COMMD1: variants seen among roughly 807,000 people sequenced by gnomAD.
The protein encoded by COMMD1 is copper metabolism domain containing 1, also known as COMM domain-containing protein 1.
Under a neutral mutation model 17.2 loss-of-function variants are expected in COMMD1, and 10 were observed. That is an observed-to-expected ratio of 0.58 (90% CI 0.36 to 0.99). COMMD1 has a LOEUF of 0.99. Among genes scored for constraint, COMMD1 ranks in the 50% least tolerant of loss-of-function variants. COMMD1 has a pLI of 0.01. For synonymous variants in COMMD1, 97 were observed against 91.6 expected (o/e 1.06, Z -0.34); for missense variants, 270 against 231.8 (o/e 1.17, Z -1.07).
intron 2 of COMMD1, among the ~76,000 whole-genome samples, chr2:62,076,752 TAAAG>T (rs1240691975): frequency 6.6e-6 from 1 of 151,210 alleles, no homozygotes; most frequent in Non-Finnish European, 1.5e-5. Context: ...ATCTCAAAAA[TAAAG>T]AAAGAGTAGT....
chr2:62,090,594 T>C (rs1296260238), intron 2 of COMMD1: 2 of 152,240 alleles, frequency 1.3e-5, no homozygotes, highest in African/African-American at 4.8e-5. Flanking sequence ...TTGCACCATA[T>C]ACTGGTATTT....
rs142011820 is a variant in COMMD1 at position 61,983,440 on chromosome 2, T to C, written c.181-17261T>C. 8.5e-4 allele frequency among the ~76,000 whole-genome samples: 130 copies of C among 152,244 alleles called. 5 individuals carry two copies. The East Asian group carries it at 0.019, about 23-fold the overall frequency. On this transcript the variant is annotated intron_variant, in intron 1 of 2. Transcript: ENST00000311832. The stretch of plus-strand genomic sequence containing the variant: ...TCCTTGACCTCGTGATCCGACCGCC[T>C]CGGCCTCCCAAAGTGCTAGGATTAC...
chr2:61,979,281 A>G (rs1671890425), intron 1 of COMMD1, among the ~76,000 whole-genome samples: 2 of 152,272 alleles, frequency 1.3e-5, no homozygotes, highest in South Asian at 4.1e-4. Context: ...GTTCGAGATC[A>G]GCCTGTCCAA....
At chr2:61,942,542 T>G (rs1171256794) in intron 1 of COMMD1, among the ~76,000 whole-genome samples, 2 of 140,276 alleles carry the variant, frequency 1.4e-5, no homozygotes, top group Non-Finnish European at 3.1e-5. Context: ...TGCCTGGCCT[T>G]TTTTTTTTTT....
At chr2:61,888,859 T>G in intron 1 of COMMD1, 1 of 299,734 alleles carries the variant, frequency 3.3e-6, no homozygotes, top group Non-Finnish European at 6.2e-6. Context: ...ACATCCGCAT[T>G]TCCTCACTCC....
chr2:62,129,420 A>G (rs1382417497), intron 2 of COMMD1, among the ~76,000 whole-genome samples: 2 of 152,180 alleles, frequency 1.3e-5, no homozygotes, highest in Non-Finnish European at 2.9e-5. Flanking sequence ...TCAGGAAAAT[A>G]TAAAATTTTA....
intron 1 of COMMD1, among the ~76,000 whole-genome samples, chr2:61,981,333 G>A (rs1175305251): frequency 1.3e-5 from 2 of 152,170 alleles, no homozygotes; most frequent in Non-Finnish European, 2.9e-5. Context: ...TGTACATGGC[G>A]AGAGATAGGG....
At chr2:62,071,063 C>T (rs1573146345) in intron 2 of COMMD1, among the ~76,000 whole-genome samples, 1 of 152,060 alleles carries the variant, frequency 6.6e-6, no homozygotes, top group African/African-American at 2.4e-5. Context: ...TAAAAAATGG[C>T]GACTACATAG....
At chr2:62,038,160 C>T (rs183212740) in intron 2 of COMMD1, among the ~76,000 whole-genome samples, 2 of 152,056 alleles carry the variant, frequency 1.3e-5, no homozygotes. Flanking sequence ...TGGTGGCATG[C>T]ACCTGTAATC....
Position 62,120,243 on chromosome 2 carries a change from C to T in COMMD1, c.463-15588C>T, listed in dbSNP as rs114112884. 2.3e-3 allele frequency among the ~76,000 whole-genome samples: 341 copies of T among 151,548 alleles called. 1 individual carries two copies. Among genetic ancestry groups the T allele is most frequent in the Middle Eastern group, 0.017 (5 of 288 alleles). ...TTGAACTCCCCAGACTGAAGTGATACACCTACCTTGGCCTCCCAAAGTGCT... is the reference window on the plus strand; with the variant it reads ...TTGAACTCCCCAGACTGAAGTGATATACCTACCTTGGCCTCCCAAAGTGCT... On this transcript the variant is annotated intron_variant, in intron 2 of 2. Coordinates refer to ENST00000311832, the MANE Select transcript of COMMD1 (RefSeq NM_152516.4).
intron 1 of COMMD1, among the ~76,000 whole-genome samples, chr2:61,991,260 A>G (rs1188447033): frequency 1.3e-5 from 2 of 152,100 alleles, no homozygotes; most frequent in Non-Finnish European, 2.9e-5. Context: ...TTCTACTCTT[A>G]TCTTAAAGAA....
chr2:62,036,534 C>G (rs1437838543), intron 2 of COMMD1, among the ~76,000 whole-genome samples: 2 of 152,168 alleles, frequency 1.3e-5, no homozygotes, highest in African/African-American at 2.4e-5. Flanking sequence ...GGTATAACAG[C>G]TAATGTATTG....
At chr2:61,967,070 G>A (rs931029689) in intron 1 of COMMD1, among the ~76,000 whole-genome samples, 17 of 151,930 alleles carry the variant, frequency 1.1e-4, no homozygotes, top group African/African-American at 3.6e-4. Flanking sequence ...CTTATCAAAT[G>A]TAACCAGGAT....
chr2:62,123,541 G>A (rs1272944159), intron 2 of COMMD1, among the ~76,000 whole-genome samples: 1 of 145,610 alleles, frequency 6.9e-6, no homozygotes, highest in African/African-American at 2.8e-5. Flanking sequence ...AAACAGGAAG[G>A]AAGGAAGGAA....
At chr2:61,902,648 A>T (rs186117200), upstream of COMMD1, among the ~76,000 whole-genome samples, 4 of 150,970 alleles carry the variant, frequency 2.6e-5, no homozygotes, top group African/African-American at 9.6e-5. Flanking sequence ...GAATTAAAAC[A>T]GTGAGATAAT....
chr2:62,074,287 C>T (rs1456558281), intron 2 of COMMD1, among the ~76,000 whole-genome samples: 6 of 152,222 alleles, frequency 3.9e-5, no homozygotes, highest in Non-Finnish European at 8.8e-5. Flanking sequence ...CTTCAGCTCT[C>T]CTCTGTCCCG....
chr2:61,920,481 A>T (rs980551607), intron 1 of COMMD1, among the ~76,000 whole-genome samples: 3 of 152,006 alleles, frequency 2.0e-5, no homozygotes, highest in African/African-American at 7.3e-5. Context: ...TGAGTTGGCC[A>T]AAAGTGTTCC....
At chr2:62,091,568 C>T (rs1399671119) in intron 2 of COMMD1, among the ~76,000 whole-genome samples, 2 of 152,156 alleles carry the variant, frequency 1.3e-5, no homozygotes, top group African/African-American at 2.4e-5. Context: ...TCTGGGTATT[C>T]CATAATGCTT....
chr2:62,104,010 T>C (rs1030866416), intron 2 of COMMD1, among the ~76,000 whole-genome samples: 6 of 152,000 alleles, frequency 3.9e-5, no homozygotes, highest in Non-Finnish European at 8.8e-5. Flanking sequence ...TCGGCTAATA[T>C]TTGTATTTTT....
Sources: allele counts gnomAD v4.1 joint callset (sites outside exome capture counted in the v4.1 genomes callset), GRCh38; gene constraint gnomAD v4.1.1; transcripts MANE v1.5; gene names NCBI Gene and HGNC (gene_info 2026-07-23, HGNC 2026-07-21).